GDAP2: variants seen among roughly 807,000 people sequenced by gnomAD.
GDAP2 encodes the protein ganglioside-induced differentiation-associated protein 2.
GDAP2 carries 51 observed loss-of-function variants against 67.0 expected under a neutral mutation model. The ratio of observed to expected loss-of-function variants is 0.76; its 90% confidence interval spans 0.61 to 0.96. GDAP2 has a LOEUF of 0.96. Ranked by LOEUF, GDAP2 falls within the 40% of genes least tolerant of loss-of-function variation. The probability of loss-of-function intolerance (pLI) is 0.00; values close to 1 mark genes in which losing one functional copy is unlikely to be tolerated. For missense variants in GDAP2, 547 were observed against 588.3 expected (o/e 0.93, Z 0.73); for synonymous variants, 203 against 207.3 (o/e 0.98, Z 0.18).
At chr1:117,910,779 C>T (rs1011754186) in intron 5 of GDAP2, among the ~76,000 whole-genome samples, 2 of 152,186 alleles carry the variant, frequency 1.3e-5, no homozygotes, top group Middle Eastern at 3.2e-3. Flanking sequence ...AAATACTTTG[C>T]TGTTACAGTT....
At chr1:117,888,558 C>T (rs1291192570) in intron 8 of GDAP2, among the ~76,000 whole-genome samples, 7 of 152,156 alleles carry the variant, frequency 4.6e-5, no homozygotes, top group South Asian at 2.1e-4. Flanking sequence ...TCTAGATTTC[C>T]GGAAAGGTCA....
intron 6 of GDAP2, among the ~76,000 whole-genome samples, chr1:117,903,663 G>C (rs1482127327): frequency 6.6e-6 from 1 of 151,972 alleles, no homozygotes; most frequent in Non-Finnish European, 1.5e-5. Context: ...TATGTTGCTG[G>C]ATTTGGTTTG....
At chr1:117,878,649 G>A (rs1215987149) in intron 12 of GDAP2, among the ~76,000 whole-genome samples, 2 of 152,108 alleles carry the variant, frequency 1.3e-5, no homozygotes, top group African/African-American at 2.4e-5. Context: ...TTTCTTTCTC[G>A]AAGTCCATCA....
At chr1:117,898,185 A>T (rs557195622) in intron 7 of GDAP2, among the ~76,000 whole-genome samples, 135 of 152,348 alleles carry the variant, frequency 8.9e-4, no homozygotes, top group African/African-American at 3.1e-3. Context: ...ATTTTATGAA[A>T]GAAAAATTCT....
chr1:117,873,590 C>T (rs1190488459), intron 13 of GDAP2, among the ~76,000 whole-genome samples: 1 of 152,140 alleles, frequency 6.6e-6, no homozygotes, highest in Non-Finnish European at 1.5e-5. Flanking sequence ...TACAAGGTAA[C>T]ATGCAGCTAC....
At chr1:117,883,240 A>C in intron 11 of GDAP2, 1 of 375,574 alleles carries the variant, frequency 2.7e-6, no homozygotes, top group Non-Finnish European at 4.9e-6. Flanking sequence ...TATAAATAGA[A>C]GGTAGTATTT....
At chr1:117,912,915 G>A (rs529155692) in intron 3 of GDAP2, among the ~76,000 whole-genome samples, 1 of 152,290 alleles carries the variant, frequency 6.6e-6, no homozygotes, top group Non-Finnish European at 1.5e-5. Context: ...CCATGAAGCA[G>A]ATAAGCATCA....
chr1:117,891,331 T>A (rs1048096610), intron 8 of GDAP2, among the ~76,000 whole-genome samples: 2 of 151,672 alleles, frequency 1.3e-5, no homozygotes, highest in African/African-American at 4.8e-5. Flanking sequence ...ACAGGGAATG[T>A]TTAATTTTAG....
intron 6 of GDAP2, among the ~76,000 whole-genome samples, chr1:117,900,270 C>T (rs2101140118): frequency 6.6e-6 from 1 of 152,200 alleles, no homozygotes; most frequent in Admixed American, 6.5e-5. Context: ...TGTACACCAC[C>T]ATACCCAGTT....
Position 117,879,080 on chromosome 1 carries a change from T to C in GDAP2, c.1303-928A>G, listed in dbSNP as rs147362351. Among the ~76,000 whole-genome samples, 151 of 152,288 alleles carry C rather than the reference T, an allele frequency of 9.9e-4. 1 individual carries two copies. In the East Asian group the frequency reaches 0.027, roughly 27 times the overall value. ...TGAAGGTTCTTGGAGCAGTGCAATA[T>C]TGGAGGCAGGACAACATGAAAATTA... On this transcript the variant is annotated intron_variant, in intron 12 of 13. Coordinates refer to ENST00000369443, the MANE Select transcript of GDAP2 (RefSeq NM_017686.4).
intron 6 of GDAP2, among the ~76,000 whole-genome samples, chr1:117,903,705 T>C (rs1649557654): frequency 2.6e-5 from 4 of 152,224 alleles, no homozygotes; most frequent in Admixed American, 2.6e-4. Context: ...ATAAGAGATA[T>C]TGCTCTATAG....
chr1:117,894,937 A>T (rs1193275148), intron 8 of GDAP2, among the ~76,000 whole-genome samples: 1 of 152,218 alleles, frequency 6.6e-6, no homozygotes, highest in South Asian at 2.1e-4. Context: ...GATACTATAC[A>T]ATCGATACTA....
chr1:117,871,099 T>G (rs1010952869), intron 13 of GDAP2, among the ~76,000 whole-genome samples: 6 of 152,218 alleles, frequency 3.9e-5, no homozygotes, highest in Non-Finnish European at 7.3e-5. Flanking sequence ...AATCTTAATT[T>G]AGAGTTAGGA....
At chr1:117,914,613 G>A (rs1262241028) in intron 3 of GDAP2, among the ~76,000 whole-genome samples, 1 of 152,034 alleles carries the variant, frequency 6.6e-6, no homozygotes, top group African/African-American at 2.4e-5. Context: ...CAAACCATAT[G>A]AAGGCAAATC....
At chr1:117,875,513 C>T (rs1648427258) in intron 13 of GDAP2, among the ~76,000 whole-genome samples, 1 of 152,230 alleles carries the variant, frequency 6.6e-6, no homozygotes, top group African/African-American at 2.4e-5. Flanking sequence ...AGGCAGTCCT[C>T]ACTGGGGCAC....
intron 12 of GDAP2, among the ~76,000 whole-genome samples, chr1:117,879,959 C>G (rs1053419245): frequency 5.9e-5 from 9 of 152,174 alleles, no homozygotes; most frequent in Non-Finnish European, 1.5e-5. Flanking sequence ...GGGAGGATTA[C>G]TTGAGGCCAA....
intron 6 of GDAP2, among the ~76,000 whole-genome samples, chr1:117,902,246 T>G (rs992785574): frequency 6.6e-6 from 1 of 152,214 alleles, no homozygotes; most frequent in Non-Finnish European, 1.5e-5. Flanking sequence ...GCATGAAACA[T>G]GTCTGTTCAA....
At chr1:117,911,770 CT>C (rs1246111202) in intron 5 of GDAP2, among the ~76,000 whole-genome samples, 30 of 146,124 alleles carry the variant, frequency 2.1e-4, no homozygotes, top group African/African-American at 1.0e-4. Flanking sequence ...AAAAAAAAAC[CT>C]TTTTTTTTTG....
chr1:117,920,625 T>C (rs1000870700), intron 1 of GDAP2, among the ~76,000 whole-genome samples: 1 of 151,992 alleles, frequency 6.6e-6, no homozygotes, highest in Non-Finnish European at 1.5e-5. Flanking sequence ...AGTGATTATT[T>C]AAGCATAAAT....
Sources: allele counts gnomAD v4.1 joint callset (sites outside exome capture counted in the v4.1 genomes callset), GRCh38; gene constraint gnomAD v4.1.1; transcripts MANE v1.5; gene names NCBI Gene and HGNC (gene_info 2026-07-23, HGNC 2026-07-21).